The following UBAC2 variants were observed in gnomAD, a reference collection of about 807,000 sequenced individuals.
The protein encoded by UBAC2 is ubiquitin-associated domain-containing protein 2.
A neutral mutation model predicts 44.0 loss-of-function variants in UBAC2; 26 were observed. The observed-to-expected ratio is 0.59, with a 90% CI of 0.43 to 0.82. The LOEUF is 0.82. Ranked by LOEUF, UBAC2 falls within the 40% of genes least tolerant of loss-of-function variation. The probability of loss-of-function intolerance (pLI) is 0.00; values close to 1 mark genes in which losing one functional copy is unlikely to be tolerated. For missense variants in UBAC2, 329 were observed against 419.4 expected (o/e 0.78, Z 1.88); for synonymous variants, 155 against 154.3 (o/e 1.00, Z -0.04).
At chr13:99,232,848 A>G (rs2043191610) in intron 1 of UBAC2, among the ~76,000 whole-genome samples, 2 of 152,122 alleles carry the variant, frequency 1.3e-5, no homozygotes. Flanking sequence ...AGGCTGAAGC[A>G]GGAGGATTGC....
At chr13:99,322,398 T>C (rs570092754) in intron 6 of UBAC2, among the ~76,000 whole-genome samples, 1 of 152,366 alleles carries the variant, frequency 6.6e-6, no homozygotes, top group East Asian at 1.9e-4. Context: ...ACCACAGGGA[T>C]GCACCCTAAT....
intron 7 of UBAC2, among the ~76,000 whole-genome samples, chr13:99,347,330 C>CGCCT (rs1231578773): frequency 1.2e-5 from 1 of 84,800 alleles, no homozygotes; most frequent in African/African-American, 3.5e-5. Context: ...CCCCCCCCCC[C>CGCCT]CCCCAGGAAA....
chr13:99,319,929 A>G (rs1487715843), intron 6 of UBAC2, among the ~76,000 whole-genome samples: 1 of 152,206 alleles, frequency 6.6e-6, no homozygotes, highest in Non-Finnish European at 1.5e-5. Context: ...TCCATGGCAT[A>G]TTTGTTTCAC....
intron 4 of UBAC2, among the ~76,000 whole-genome samples, chr13:99,309,224 C>T (rs1383011825): frequency 3.3e-5 from 5 of 152,026 alleles, no homozygotes; most frequent in Admixed American, 3.3e-4. Context: ...AATTCTCCTG[C>T]CTCAGCCTCC....
chr13:99,255,589 T>C (rs1237885193), intron 4 of UBAC2: 1 of 1,614,202 alleles, frequency 6.2e-7, no homozygotes. Context: ...TCCAAGAATC[T>C]GGCAGAAGTA....
At chr13:99,284,168 T>C (rs1443822084) in intron 4 of UBAC2, among the ~76,000 whole-genome samples, 3 of 152,268 alleles carry the variant, frequency 2.0e-5, no homozygotes, top group Admixed American at 6.5e-5. Flanking sequence ...AGACAACTTA[T>C]ATGATTGTAT....
intron 4 of UBAC2, among the ~76,000 whole-genome samples, chr13:99,268,611 CAAAAA>C (rs756827927): frequency 4.0e-4 from 30 of 75,714 alleles, no homozygotes; most frequent in East Asian, 3.4e-3. Flanking sequence ...GACTCTGTCT[CAAAAA>C]AAAAAAAAAA....
chr13:99,212,369 C>A lies in UBAC2; in HGVS notation c.31+11430C>A, dbSNP rs139000673. 7.4e-3 allele frequency among the ~76,000 whole-genome samples: 1,122 copies of A among 152,268 alleles called. 10 individuals carry two copies. The highest frequency in any genetic ancestry group is 0.055 in the South Asian group (264 of 4,826). ...ATTATAAAGTAATCCTTATTTAAATCATGATTTTCCCCCCAGATTTTTCCC... is the reference window on the plus strand; with the variant it reads ...ATTATAAAGTAATCCTTATTTAAATAATGATTTTCCCCCCAGATTTTTCCC... On this transcript the variant is annotated intron_variant, in intron 1 of 8. Transcript: ENST00000403766.
At chr13:99,294,942 A>T in intron 4 of UBAC2, 1 of 1,174,344 alleles carries the variant, frequency 8.5e-7, no homozygotes, top group Non-Finnish European at 1.2e-6. Flanking sequence ...AAAGTGCCCA[A>T]TGAAAGAAAT....
At chr13:99,220,346 T>G (rs1376424291) in intron 1 of UBAC2, among the ~76,000 whole-genome samples, 1 of 152,202 alleles carries the variant, frequency 6.6e-6, no homozygotes, top group Non-Finnish European at 1.5e-5. Flanking sequence ...GCTTCAGGGC[T>G]ATTATAGTAA....
intron 4 of UBAC2, among the ~76,000 whole-genome samples, chr13:99,276,295 A>T (rs182902541): frequency 1.3e-5 from 2 of 152,288 alleles, no homozygotes; most frequent in East Asian, 3.9e-4. Context: ...GACTGTCTCC[A>T]CTTCAGATGC....
intron 4 of UBAC2, among the ~76,000 whole-genome samples, chr13:99,270,829 A>G (rs2043805987): frequency 6.6e-6 from 1 of 152,248 alleles, no homozygotes; most frequent in Non-Finnish European, 1.5e-5. Context: ...AGGAGAAGAA[A>G]GAATTTCCAA....
chr13:99,243,904 T>A lies in UBAC2; in HGVS notation c.232T>A (p.Tyr78Asn). ...KDTFCSSLLI[Y>N]NFRIFERRYG... Reference sequence around the variant, plus strand: ...TACTTTCTGCAGTAGTCTGCTTATTTATAATTTTAGGATATTTGAAAGAAG... The same window carrying A: ...TACTTTCTGCAGTAGTCTGCTTATTAATAATTTTAGGATATTTGAAAGAAG... The change falls in exon 3 of 9, where the codon TAT becomes AAT. Residue 78 changes from tyrosine to asparagine, a missense_variant. By Grantham distance (143) the Tyr-to-Asn change is moderately radical (BLOSUM62 -2). Coordinates refer to ENST00000403766, the MANE Select transcript of UBAC2 (RefSeq NM_001144072.2). 6.4e-7 allele frequency: 1 copy of A among 1,559,350 alleles called. No homozygotes were observed. The highest frequency in any genetic ancestry group is 8.7e-7 in the Non-Finnish European group (1 of 1,150,830).
rs1468693409 is a variant in UBAC2 at position 99,281,197 on chromosome 13, C to A, written c.390-32900C>A. ...GAGCGAGACTCCATCTCAAAAAAAA[C>A]AAAACAAAACAAAACAAAAAAAAAC... is the stretch of plus-strand genomic sequence containing the variant. On this transcript the variant is annotated intron_variant, in intron 4 of 8. Coordinates refer to ENST00000403766, the MANE Select transcript of UBAC2 (RefSeq NM_001144072.2). Among the ~76,000 whole-genome samples, 20 of 146,206 alleles carry A rather than the reference C, an allele frequency of 1.4e-4. No individual in the cohort carries two copies. The East Asian group carries it at 1.8e-3, about 13-fold the overall frequency.
chr13:99,352,195 C>A (rs908941898), intron 7 of UBAC2, among the ~76,000 whole-genome samples: 10 of 152,260 alleles, frequency 6.6e-5, no homozygotes, highest in African/African-American at 2.4e-4. Context: ...TTTTTAGCAG[C>A]TGATGGAATT....
At chr13:99,339,245 C>T (rs915337546) in intron 6 of UBAC2, among the ~76,000 whole-genome samples, 1 of 152,220 alleles carries the variant, frequency 6.6e-6, no homozygotes, top group Non-Finnish European at 1.5e-5. Flanking sequence ...TCACGGGCAC[C>T]GCATCATCCT....
intron 8 of UBAC2, among the ~76,000 whole-genome samples, chr13:99,383,157 T>C (rs186310232): frequency 2.0e-5 from 3 of 152,328 alleles, no homozygotes; most frequent in Admixed American, 2.0e-4. Flanking sequence ...TGTGCATGTG[T>C]GTGTGTGTGC....
intron 4 of UBAC2, among the ~76,000 whole-genome samples, chr13:99,310,141 A>G (rs930117483): frequency 3.9e-5 from 6 of 152,208 alleles, no homozygotes; most frequent in African/African-American, 1.4e-4. Flanking sequence ...ACTGTGGGGA[A>G]CACAGCGAGA....
chr13:99,280,224 C>G (rs2043934252), intron 4 of UBAC2, among the ~76,000 whole-genome samples: 1 of 152,172 alleles, frequency 6.6e-6, no homozygotes, highest in Non-Finnish European at 1.5e-5. Flanking sequence ...GTTTAACTTG[C>G]TTGTGACACA....
Sources: gnomAD v4.1 joint callset for allele counts (sites outside exome capture counted in the v4.1 genomes callset) on GRCh38, gnomAD v4.1.1 for gene constraint, MANE v1.5 for transcripts, NCBI Gene and HGNC (gene_info 2026-07-23, HGNC 2026-07-21) for gene names.